ABLIM1: variants seen among roughly 807,000 people sequenced by gnomAD.
ABLIM1 encodes the protein actin-binding LIM protein 1.
Under a neutral mutation model 107.0 loss-of-function variants are expected in ABLIM1, and 40 were observed. The observed-to-expected ratio is 0.37, with a 90% CI of 0.29 to 0.49. The LOEUF is 0.49. Among genes scored for constraint, ABLIM1 ranks in the 20% least tolerant of loss-of-function variants. ABLIM1 has a pLI of 0.97. For missense variants in ABLIM1, 857 were observed against 1,008.5 expected (o/e 0.85, Z 2.04); for synonymous variants, 357 against 357.3 (o/e 1.00, Z 0.01).
chr10:114,689,758 C>T (rs1173238598), upstream of ABLIM1, among the ~76,000 whole-genome samples: 2 of 150,644 alleles, frequency 1.3e-5, no homozygotes, highest in East Asian at 1.9e-4. Flanking sequence ...AAAAAAGATT[C>T]GAGATGAAAT....
the ABLIM1 span, among the ~76,000 whole-genome samples, chr10:114,798,650 G>C: frequency 1.6e-4 from 24 of 151,800 alleles, no homozygotes; most frequent in East Asian, 4.5e-3. Context: ...GCCGAGGTGG[G>C]AGGATCACTT....
At chr10:114,638,151 C>A (rs2140892717) in intron 1 of ABLIM1, among the ~76,000 whole-genome samples, 1 of 152,230 alleles carries the variant, frequency 6.6e-6, no homozygotes, top group African/African-American at 2.4e-5. Context: ...CACAAAGGCA[C>A]AAAGTAGGAA....
chr10:114,507,487 ACACACAATT>A (rs2061318500), intron 6 of ABLIM1, among the ~76,000 whole-genome samples: 2 of 152,226 alleles, frequency 1.3e-5, no homozygotes, highest in Non-Finnish European at 1.5e-5. Context: ...AAAGAAAGAG[ACACACAATT>A]CACATTCCAG....
chr10:114,479,714 G>A (rs998649892), intron 8 of ABLIM1, among the ~76,000 whole-genome samples: 2 of 152,140 alleles, frequency 1.3e-5, no homozygotes, highest in African/African-American at 2.4e-5. Context: ...TCAACTGCGG[G>A]AGGTTAGAGG....
At chr10:114,698,170 C>G (rs1188179124) in intron 1 of ABLIM1, among the ~76,000 whole-genome samples, 1 of 151,524 alleles carries the variant, frequency 6.6e-6, no homozygotes, top group Non-Finnish European at 1.5e-5. Flanking sequence ...ATTTAAGCAA[C>G]AGAAGAAAAG....
intron 6 of ABLIM1, among the ~76,000 whole-genome samples, chr10:114,522,699 A>G (rs772140519): frequency 6.6e-6 from 1 of 152,248 alleles, no homozygotes; most frequent in Non-Finnish European, 1.5e-5. Context: ...ACAAACACGT[A>G]TTTGCTAAAA....
intron 1 of ABLIM1, among the ~76,000 whole-genome samples, chr10:114,614,767 G>T (rs193207067): frequency 6.6e-6 from 1 of 152,214 alleles, no homozygotes; most frequent in African/African-American, 2.4e-5. Context: ...AAAAACACAA[G>T]TGTGGGCTGG....
chr10:114,531,293 G>A (rs1219726565), intron 6 of ABLIM1, among the ~76,000 whole-genome samples: 1 of 152,176 alleles, frequency 6.6e-6, no homozygotes, highest in African/African-American at 2.4e-5. Flanking sequence ...GGTATGTGAG[G>A]CACTGTCTCA....
At chr10:114,472,553 C>T (rs75959052) in intron 10 of ABLIM1, among the ~76,000 whole-genome samples, 4,170 of 152,228 alleles carry the variant, frequency 0.027, 182 homozygotes, top group African/African-American at 0.092. Context: ...CTTTCACATG[C>T]TAACTTTCTT....
At chr10:114,785,755 T>C in the ABLIM1 span, among the ~76,000 whole-genome samples, 1 of 152,198 alleles carries the variant, frequency 6.6e-6, no homozygotes, top group Non-Finnish European at 1.5e-5. Flanking sequence ...TTGAGACCGA[T>C]TCTCGCTCTG....
intron 2 of ABLIM1, among the ~76,000 whole-genome samples, chr10:114,589,917 T>A (rs558097089): frequency 6.6e-6 from 1 of 152,256 alleles, no homozygotes; most frequent in East Asian, 1.9e-4. Flanking sequence ...TCCTAGGCCT[T>A]CACAGTCACT....
intron 8 of ABLIM1, among the ~76,000 whole-genome samples, chr10:114,479,137 G>A (rs73353703): frequency 0.025 from 3,759 of 152,030 alleles, 154 homozygotes; most frequent in African/African-American, 0.087. Flanking sequence ...TGTACAGAAC[G>A]CAGCAAGGTG....
chr10:114,768,866 A>C (rs1254924919), upstream of ABLIM1, among the ~76,000 whole-genome samples: 1 of 152,142 alleles, frequency 6.6e-6, no homozygotes, highest in Non-Finnish European at 1.5e-5. Flanking sequence ...TCTATATGTC[A>C]GGATAAAAAG....
intron 1 of ABLIM1, among the ~76,000 whole-genome samples, chr10:114,720,638 T>G (rs571794765): frequency 6.6e-6 from 1 of 152,182 alleles, no homozygotes; most frequent in East Asian, 1.9e-4. Context: ...ACTTCCAGTA[T>G]CCTTTGAATC....
chr10:114,624,115 C>T (rs1027497502), intron 1 of ABLIM1, among the ~76,000 whole-genome samples: 3 of 152,160 alleles, frequency 2.0e-5, no homozygotes, highest in African/African-American at 7.2e-5. Flanking sequence ...AAATAGGAAG[C>T]TGGGCTGGTT....
chr10:114,717,722 C>A (rs1393036048), intron 1 of ABLIM1, among the ~76,000 whole-genome samples: 1 of 151,996 alleles, frequency 6.6e-6, no homozygotes, highest in East Asian at 1.9e-4. Context: ...CAAGATCAGC[C>A]TGGGTAACAT....
the ABLIM1 span, among the ~76,000 whole-genome samples, chr10:114,788,413 CAAA>C: frequency 7.8e-6 from 1 of 129,030 alleles, no homozygotes. Flanking sequence ...GAGTCAACTC[CAAA>C]AAAAAAAAAA....
At chr10:114,646,700 G>A (rs1029522186) in intron 1 of ABLIM1, among the ~76,000 whole-genome samples, 1 of 152,196 alleles carries the variant, frequency 6.6e-6, no homozygotes, top group Non-Finnish European at 1.5e-5. Flanking sequence ...GGAGTTACAG[G>A]AGGTTGGCTG....
chr10:114,605,093 T>G lies in ABLIM1; in HGVS notation c.245-3132A>C, dbSNP rs890923651. Reference sequence around the variant, plus strand: ...CTTGCCTTTCCTTCACACAACAGCCTAGGCATCTCAGAACAACCTATTTGT... The same window carrying G: ...CTTGCCTTTCCTTCACACAACAGCCGAGGCATCTCAGAACAACCTATTTGT... On this transcript the variant is annotated intron_variant, in intron 1 of 22. Coordinates refer to ENST00000533213, the MANE Select transcript of ABLIM1 (RefSeq NM_002313.7). Among the ~76,000 whole-genome samples, 18 of 152,216 alleles carry G rather than the reference T, an allele frequency of 1.2e-4. 1 individual carries two copies. The highest frequency in any genetic ancestry group is 4.3e-4 in the African/African-American group (18 of 41,460).
Sources: allele counts gnomAD v4.1 joint callset (sites outside exome capture counted in the v4.1 genomes callset), GRCh38; gene constraint gnomAD v4.1.1; transcripts MANE v1.5; gene names NCBI Gene and HGNC (gene_info 2026-07-23, HGNC 2026-07-21).